CALN1: variants seen among roughly 807,000 people sequenced by gnomAD.
CALN1 encodes the protein calneuron 1, also known as calcium-binding protein 8.
A neutral mutation model predicts 30.6 loss-of-function variants in CALN1; 17 were observed. That is an observed-to-expected ratio of 0.56 (90% confidence interval 0.38 to 0.83). The LOEUF is 0.83. CALN1 is among the 40% of genes least tolerant of loss of function. The pLI is 0.00. For synonymous variants in CALN1, 156 were observed against 131.4 expected (o/e 1.19, Z -1.28); for missense variants, 291 against 354.9 (o/e 0.82, Z 1.45).
chr7:72,171,329 T>G (rs1378198951), intron 3 of CALN1, among the ~76,000 whole-genome samples: 1 of 152,116 alleles, frequency 6.6e-6, no homozygotes, highest in Admixed American at 6.6e-5. Flanking sequence ...TTAAAATACA[T>G]TCCTAAAATG....
intron 6 of CALN1, among the ~76,000 whole-genome samples, chr7:71,798,622 T>C (rs1787108707): frequency 6.8e-6 from 1 of 147,084 alleles, no homozygotes; most frequent in Non-Finnish European, 1.5e-5. Flanking sequence ...AGTCTTTTTT[T>C]TTTTTTTTTT....
the CALN1 span, among the ~76,000 whole-genome samples, chr7:72,453,525 T>C: frequency 6.6e-6 from 1 of 152,216 alleles, no homozygotes; most frequent in Non-Finnish European, 1.5e-5. Flanking sequence ...TTTAGGTGCC[T>C]CTTCCCTGTT....
intron 1 of CALN1, among the ~76,000 whole-genome samples, chr7:72,409,080 C>T (rs1276939553): frequency 6.6e-6 from 1 of 151,862 alleles, no homozygotes; most frequent in African/African-American, 2.4e-5. Flanking sequence ...ACTGCAACTT[C>T]CGCCTCCCGG....
intron 5 of CALN1, among the ~76,000 whole-genome samples, chr7:71,836,764 C>T (rs920569969): frequency 6.6e-6 from 1 of 151,700 alleles, no homozygotes; most frequent in East Asian, 2.0e-4. Context: ...CTTACAGGCA[C>T]CCAACACCAC....
At chr7:72,386,919 A>G (rs1585632660) in intron 2 of CALN1, among the ~76,000 whole-genome samples, 1 of 151,978 alleles carries the variant, frequency 6.6e-6, no homozygotes, top group East Asian at 1.9e-4. Context: ...GTGTACATAC[A>G]TAGTTTAGTA....
At chr7:71,903,602 A>G (rs1434464259) in intron 5 of CALN1, among the ~76,000 whole-genome samples, 3 of 152,226 alleles carry the variant, frequency 2.0e-5, no homozygotes, top group African/African-American at 4.8e-5. Context: ...TGAATTTACT[A>G]TATGAAAACA....
chr7:72,404,206 A>G (rs185975832), intron 1 of CALN1, among the ~76,000 whole-genome samples: 1 of 152,226 alleles, frequency 6.6e-6, no homozygotes, highest in Admixed American at 6.5e-5. Context: ...GTCTCTGCCT[A>G]CTTCTACTGT....
At chr7:72,331,192 A>T (rs1455123051) in intron 2 of CALN1, among the ~76,000 whole-genome samples, 1 of 152,114 alleles carries the variant, frequency 6.6e-6, no homozygotes, top group African/African-American at 2.4e-5. Flanking sequence ...TCTACTAAAA[A>T]TACAAAAATT....
intron 5 of CALN1, among the ~76,000 whole-genome samples, chr7:71,844,169 T>C (rs1790104968): frequency 3.3e-5 from 5 of 152,192 alleles, no homozygotes. Flanking sequence ...GTGGCAAAGC[T>C]ATCTTTCTGA....
At chr7:72,055,645 C>T (rs1033272458) in intron 4 of CALN1, among the ~76,000 whole-genome samples, 10 of 152,060 alleles carry the variant, frequency 6.6e-5, no homozygotes, top group Admixed American at 5.2e-4. Flanking sequence ...AAATACTGTA[C>T]TTTATATAGC....
chr7:72,398,850 T>A (rs1806149772), intron 2 of CALN1, among the ~76,000 whole-genome samples: 1 of 152,128 alleles, frequency 6.6e-6, no homozygotes, highest in African/African-American at 2.4e-5. Flanking sequence ...ACAAAAAAAT[T>A]AAACACCATC....
At chr7:72,335,951 C>G (rs1207331554) in intron 2 of CALN1, among the ~76,000 whole-genome samples, 2 of 152,216 alleles carry the variant, frequency 1.3e-5, no homozygotes, top group African/African-American at 4.8e-5. Flanking sequence ...CCGCGCTGCG[C>G]TAGTCCGGAG....
At chr7:72,211,456 C>G (rs1277103872) in intron 3 of CALN1, among the ~76,000 whole-genome samples, 3 of 152,088 alleles carry the variant, frequency 2.0e-5, no homozygotes, top group Non-Finnish European at 2.9e-5. Context: ...AAGGAGAGAT[C>G]ACATGCAAAG....
At chr7:72,269,643 G>A (rs908189674) in intron 3 of CALN1, among the ~76,000 whole-genome samples, 1 of 152,158 alleles carries the variant, frequency 6.6e-6, no homozygotes, top group Non-Finnish European at 1.5e-5. Flanking sequence ...CCCCAACAGA[G>A]CGTAAAAACG....
intron 3 of CALN1, among the ~76,000 whole-genome samples, chr7:72,213,714 G>A (rs1382562053): frequency 3.9e-5 from 6 of 152,164 alleles, no homozygotes; most frequent in Non-Finnish European, 7.3e-5. Flanking sequence ...GAGAAGTGTT[G>A]CCACAAGGCT....
At chr7:71,952,086 A>G (rs1348697625) in intron 5 of CALN1, among the ~76,000 whole-genome samples, 5 of 152,166 alleles carry the variant, frequency 3.3e-5, no homozygotes, top group Admixed American at 1.3e-4. Context: ...TCTTCAAGAG[A>G]AACAGTTGCT....
chr7:71,981,807 G>A (rs973666799), intron 5 of CALN1, among the ~76,000 whole-genome samples: 25 of 152,050 alleles, frequency 1.6e-4, no homozygotes, highest in Admixed American at 2.0e-4. Flanking sequence ...AAGGACTCCC[G>A]GCTTGTGTCT....
At chr7:72,083,305 A>G (rs1246114691) in intron 4 of CALN1, among the ~76,000 whole-genome samples, 1 of 152,236 alleles carries the variant, frequency 6.6e-6, no homozygotes, top group African/African-American at 2.4e-5. Flanking sequence ...TAAAATAAGT[A>G]TGATAAATGT....
intron 3 of CALN1, among the ~76,000 whole-genome samples, chr7:72,164,571 T>C (rs1209038927): frequency 2.0e-5 from 3 of 152,174 alleles, no homozygotes; most frequent in African/African-American, 7.2e-5. Flanking sequence ...CGAACATCCA[T>C]CCTTTAGAAC....
Sources: allele counts gnomAD v4.1 joint callset (sites outside exome capture counted in the v4.1 genomes callset), GRCh38; gene constraint gnomAD v4.1.1; transcripts MANE v1.5; gene names NCBI Gene and HGNC (gene_info 2026-07-23, HGNC 2026-07-21).